DEFB134: variants seen among roughly 807,000 people sequenced by gnomAD.
DEFB134 encodes beta-defensin 134.
Under a neutral mutation model 7.4 loss-of-function variants are expected in DEFB134, and 7 were observed. The observed-to-expected ratio is 0.95, with a 90% confidence interval of 0.54 to 1.79. The LOEUF is 1.79. Ranked by LOEUF, DEFB134 falls within the 40% of genes most tolerant of loss-of-function variation. The pLI is 0.00. For synonymous variants in DEFB134, 33 were observed against 25.0 expected (o/e 1.32, Z -0.96); for missense variants, 105 against 74.8 (o/e 1.40, Z -1.49).
At chr8:11,993,896 C>T (rs1249337669) in exon 2 of DEFB134, 12 of 1,540,128 alleles carry the variant, frequency 7.8e-6, no homozygotes, top group Non-Finnish European at 1.0e-5. Context: ...CATGGTGTCA[C>T]AGTTTGATCT....
chr8:12,000,074 C>A (rs1680937638), upstream of DEFB134, among the ~76,000 whole-genome samples: 1 of 152,224 alleles, frequency 6.6e-6, no homozygotes, highest in Admixed American at 6.5e-5. Context: ...CTGTCTGACC[C>A]TGAGCCATAC....
chr8:11,996,169 AC>A (rs1041020908), intron 1 of DEFB134, 24 bp downstream of exon 2: 2 of 1,612,944 alleles, frequency 1.2e-6, no homozygotes, highest in East Asian at 2.2e-5. Flanking sequence ...AAGCACCCCT[AC>A]CCCCCAAAAT....
intron 1 of DEFB134, among the ~76,000 whole-genome samples, chr8:11,994,474 A>C (rs1012391149): frequency 6.6e-6 from 1 of 152,224 alleles, no homozygotes; most frequent in Non-Finnish European, 1.5e-5. Context: ...GCCATCTACA[A>C]GCTTGAAAGC....
chr8:11,995,944 C>T (rs368394191), intron 1 of DEFB134, among the ~76,000 whole-genome samples: 56 of 121,216 alleles, frequency 4.6e-4, no homozygotes, highest in African/African-American at 1.8e-3. Flanking sequence ...CTCATTGGTG[C>T]GGATCAGTTC....
chr8:11,995,828 AGG>A (rs755498516), intron 1 of DEFB134, among the ~76,000 whole-genome samples: 4 of 152,198 alleles, frequency 2.6e-5, no homozygotes, highest in Non-Finnish European at 5.9e-5. Context: ...CTCATGAGCC[AGG>A]TACTTTTCAT....
upstream of DEFB134, among the ~76,000 whole-genome samples, chr8:11,998,197 C>T (rs902477970): frequency 1.3e-5 from 2 of 152,064 alleles, no homozygotes; most frequent in Non-Finnish European, 2.9e-5. Flanking sequence ...ACCTGTAACG[C>T]TAGCACTTTG....
At chr8:11,999,316 G>T, upstream of DEFB134, 1 of 221,510 alleles carries the variant, frequency 4.5e-6, no homozygotes, top group East Asian at 1.1e-4. Context: ...AAAAAGACCT[G>T]GAAACCTCAA....
At chr8:11,997,615 G>C (rs970936226), upstream of DEFB134, among the ~76,000 whole-genome samples, 2 of 152,068 alleles carry the variant, frequency 1.3e-5, no homozygotes, top group Non-Finnish European at 2.9e-5. Flanking sequence ...TGATCAAAAA[G>C]GACAAAGAAA....
chr8:11,993,374 G>C (rs540548736), exon 2 of DEFB134: 3 of 152,190 alleles, frequency 2.0e-5, no homozygotes, highest in Non-Finnish European at 2.9e-5. Flanking sequence ...GGCTCAGGTG[G>C]GAAGTTCCAT....
At chr8:11,995,813 T>C (rs1295017292) in intron 1 of DEFB134, among the ~76,000 whole-genome samples, 2 of 152,216 alleles carry the variant, frequency 1.3e-5, no homozygotes, top group African/African-American at 4.8e-5. Flanking sequence ...AATACAATGA[T>C]AGCTCTCATG....
upstream of DEFB134, among the ~76,000 whole-genome samples, chr8:12,000,710 T>C (rs1390800201): frequency 1.3e-5 from 2 of 152,220 alleles, no homozygotes; most frequent in African/African-American, 2.4e-5. Flanking sequence ...TATCTTACTG[T>C]GCTATGCTCA....
At chr8:11,997,161 T>C (rs1800147561), upstream of DEFB134, among the ~76,000 whole-genome samples, 1 of 152,254 alleles carries the variant, frequency 6.6e-6, no homozygotes, top group Admixed American at 6.5e-5. Flanking sequence ...TTCATGTGAA[T>C]AGAATAATAT....
chr8:11,995,102 G>T (rs139623387), intron 1 of DEFB134, among the ~76,000 whole-genome samples: 138 of 152,270 alleles, frequency 9.1e-4, no homozygotes, highest in Middle Eastern at 3.4e-3. Context: ...AAGCCCTAGA[G>T]GACAATCTGT....
At chr8:11,996,554 T>G (rs1770442909), upstream of DEFB134, among the ~76,000 whole-genome samples, 1 of 152,224 alleles carries the variant, frequency 6.6e-6, no homozygotes, top group Non-Finnish European at 1.5e-5. Context: ...CTTACTCTTT[T>G]AAATGAGTAA....
chr8:11,999,888 G>A (rs570181910), upstream of DEFB134, among the ~76,000 whole-genome samples: 4 of 152,304 alleles, frequency 2.6e-5, no homozygotes, highest in South Asian at 4.1e-4. Flanking sequence ...AAGGCCACAT[G>A]GTGCTCTGGG....
upstream of DEFB134, among the ~76,000 whole-genome samples, chr8:11,999,805 G>A (rs1362185799): frequency 6.6e-6 from 1 of 152,212 alleles, no homozygotes; most frequent in Non-Finnish European, 1.5e-5. Context: ...GAGGGGAGAT[G>A]TGCGCATCAT....
At chr8:11,994,147 T>C (rs1316499225) in intron 1 of DEFB134, 25 bp from the exon 3 acceptor site, 1 of 1,604,438 alleles carries the variant, frequency 6.2e-7, no homozygotes, top group Admixed American at 1.7e-5. Context: ...AATAGAAAGA[T>C]AATTCACTAC....
upstream of DEFB134, among the ~76,000 whole-genome samples, chr8:11,998,374 C>G (rs1800180190): frequency 6.6e-6 from 1 of 151,740 alleles, no homozygotes; most frequent in African/African-American, 2.4e-5. Context: ...TTGCTTGCGC[C>G]TAAGGGGTTG....
At chr8:11,999,126 G>C (rs977833026), upstream of DEFB134, 2 of 159,598 alleles carry the variant, frequency 1.3e-5, no homozygotes, top group African/African-American at 4.8e-5. Context: ...GTGAGCCCCA[G>C]CTGGAAGTTC....
Sources: gnomAD v4.1 joint callset for allele counts (sites outside exome capture counted in the v4.1 genomes callset) on GRCh38, gnomAD v4.1.1 for gene constraint, MANE v1.5 for transcripts, NCBI Gene and HGNC (gene_info 2026-07-23, HGNC 2026-07-21) for gene names.